SETDB2: variants seen among roughly 807,000 people sequenced by gnomAD.
SETDB2 encodes SET domain bifurcated histone lysine methyltransferase 2.
A neutral mutation model predicts 82.5 loss-of-function variants in SETDB2; 56 were observed. The ratio of observed to expected loss-of-function variants is 0.68; its 90% CI spans 0.55 to 0.85. The LOEUF is 0.85. Ranked by LOEUF, SETDB2 falls within the 40% of genes least tolerant of loss-of-function variation. The pLI is 0.00. For synonymous variants in SETDB2, 272 were observed against 284.9 expected (o/e 0.95, Z 0.46); for missense variants, 677 against 816.4 (o/e 0.83, Z 2.08).
rs117806139 is a variant in SETDB2, at chr13:49,493,667, A to G, written c.*1818A>G. 6.6e-6 allele frequency: 1 copy of G among 152,246 alleles called. No individual in the cohort carries two copies. Among genetic ancestry groups the G allele is most frequent in the Non-Finnish European group, 1.5e-5 (1 of 68,004 alleles). The allele number at this position is 152,246 out of a possible 1,614,324, so 9.4% of individuals were successfully genotyped here. ...TCTCTGTGTGTTTGACAATGTCTTT[A>G]TTTTACCCTTATACCTGATTGCTGT... is the stretch of plus-strand genomic sequence containing the variant. On this transcript the variant is annotated 3_prime_UTR_variant, in exon 14 of 14. Transcript: ENST00000611815.
intron 8 of SETDB2, chr13:49,482,459 A>G (rs1317280621): frequency 5.2e-5 from 20 of 384,772 alleles, no homozygotes; most frequent in Non-Finnish European, 2.5e-5. Context: ...TTTCTCATCC[A>G]TATCTTTTTG....
At position 49,488,356 on chromosome 13, in the gene SETDB2, A is replaced by C. The variant is rs148579863; in HGVS notation, c.1643A>C (p.Asp548Ala). ...DNLLIESDVI[D>A]ITKYREETPP... ...CTGCTGATTGAATCAGATGTGATAG[A>C]TATAACTAAATATAGAGAAGAAACT... The change falls in exon 12 of 14, where the codon GAT becomes GCT. Residue 548 changes from aspartate (D) to alanine (A), a missense_variant. Coordinates refer to ENST00000611815, the MANE Select transcript of SETDB2 (RefSeq NM_001160308.3). 4.3e-6 allele frequency: 7 copies of C among 1,610,808 alleles called. No homozygotes were observed. In the African/African-American group the frequency reaches 5.4e-5, roughly 12 times the overall value.
chr13:49,444,692 G>A lies in SETDB2; in HGVS notation c.-507G>A, dbSNP rs933930506. On this transcript the variant is annotated 5_prime_UTR_variant, in exon 1 of 14. Transcript: ENST00000611815. ...GCAGAAGGGGCCGCGGGCGCACTGA[G>A]TTTCCAACCTCCATTTCAGCCTGTC... The A allele has an allele frequency of 8.1e-6, 1 of 123,516 alleles. No individual in the cohort carries two copies. The highest frequency in any genetic ancestry group is 2.5e-4 in the East Asian group (1 of 3,942). The allele number at this position is 123,516 out of a possible 1,614,324, so 7.7% of individuals were successfully genotyped here.
chr13:49,455,561 G>A (rs1957867263), intron 2 of SETDB2, among the ~76,000 whole-genome samples: 1 of 152,036 alleles, frequency 6.6e-6, no homozygotes, highest in Non-Finnish European at 1.5e-5. Context: ...TTTTAAAAGT[G>A]GTTAACTCTT....
rs76530863 is a variant in SETDB2, at chr13:49,479,499, A to G, written c.870-720A>G. On this transcript the variant is annotated intron_variant, in intron 6 of 13. Transcript: ENST00000611815. ...AGCAGCCACCATTCTGATGTGTATT[A>G]ATTAATACAGAAAATACAGAAGAGA... Among the ~76,000 whole-genome samples the G allele has an allele frequency of 2.8e-4, 43 of 152,298 alleles. No individual in the cohort carries two copies. The East Asian group carries it at 8.1e-3, about 29-fold the overall frequency.
At chr13:49,469,684 A>G (rs2407692) in intron 5 of SETDB2, among the ~76,000 whole-genome samples, 120,041 of 152,104 alleles carry the variant, frequency 0.79, 48,141 homozygotes, top group African/African-American at 0.93. Context: ...GGGCAGTATT[A>G]TTTTATTTTT....
At chr13:49,452,844 A>G (rs554038592) in intron 2 of SETDB2, among the ~76,000 whole-genome samples, 7 of 152,286 alleles carry the variant, frequency 4.6e-5, no homozygotes, top group African/African-American at 1.4e-4. Flanking sequence ...TCTCAGAGGT[A>G]AAATGTCATT....
At chr13:49,451,395 GATAAC>G (rs1354393439) in intron 1 of SETDB2, among the ~76,000 whole-genome samples, 153 bp from the exon 2 acceptor site, 3 of 149,270 alleles carry the variant, frequency 2.0e-5, no homozygotes, top group Admixed American at 2.0e-4. Context: ...ATTTTTTCCA[GATAAC>G]ATAATGTTTT....
intron 5 of SETDB2, among the ~76,000 whole-genome samples, chr13:49,471,663 C>G (rs1958244318): frequency 6.6e-6 from 1 of 151,664 alleles, no homozygotes; most frequent in South Asian, 2.1e-4. Context: ...TAAAAACATG[C>G]ACACACATGT....
At chr13:49,491,152 G>A (rs373406243) in intron 13 of SETDB2, among the ~76,000 whole-genome samples, 1 of 152,084 alleles carries the variant, frequency 6.6e-6, no homozygotes, top group East Asian at 1.9e-4. Context: ...TGGGGTAGGA[G>A]GATCACTTGA....
At chr13:49,484,011 T>C (rs1380818213) in intron 10 of SETDB2, among the ~76,000 whole-genome samples, 1 of 152,162 alleles carries the variant, frequency 6.6e-6, no homozygotes, top group Non-Finnish European at 1.5e-5. Context: ...AGAATTTCTT[T>C]TATTGTTTTG....
At chr13:49,477,161 C>T (rs1401390241) in intron 6 of SETDB2, 122 bp downstream of exon 6, 10 of 904,688 alleles carry the variant, frequency 1.1e-5, no homozygotes, top group South Asian at 2.0e-5. Context: ...TAAGACTGGG[C>T]GTGGTGGCCC....
intron 8 of SETDB2, 149 bp from the exon 9 acceptor site, chr13:49,482,588 C>A: frequency 1.7e-6 from 1 of 595,784 alleles, no homozygotes; most frequent in Non-Finnish European, 2.8e-6. Flanking sequence ...TGGTCTTTGT[C>A]TTGCAACAGT....
rs1377046251 is a variant in SETDB2, at chr13:49,494,182, T to C, written c.*2333T>C. 6.6e-6 allele frequency: 1 copy of C among 152,248 alleles called. No individual in the cohort carries two copies. Among genetic ancestry groups the C allele is most frequent in the East Asian group, 1.9e-4 (1 of 5,204 alleles). 9.4% of individuals were successfully genotyped at this position (152,248 alleles called of 1,614,324 possible). A position where few individuals can be genotyped will look rare whatever the true frequency, so the allele number is the denominator to read the frequency against. On this transcript the variant is annotated 3_prime_UTR_variant, in exon 14 of 14. Coordinates refer to ENST00000611815, the MANE Select transcript of SETDB2 (RefSeq NM_001160308.3). ...TTTTCTAGTCTCATATTGTCTCATA[T>C]TTTTAATTTCTAAGAGCTCCCCTTC...
chr13:49,464,611 A>G (rs909967334), intron 4 of SETDB2, among the ~76,000 whole-genome samples: 24 of 152,202 alleles, frequency 1.6e-4, no homozygotes, highest in Non-Finnish European at 2.4e-4. Flanking sequence ...TTATAATTTC[A>G]TATTTTTATG....
chr13:49,478,642 A>G (rs1050123321), intron 6 of SETDB2, among the ~76,000 whole-genome samples: 5 of 152,160 alleles, frequency 3.3e-5, no homozygotes, highest in African/African-American at 7.2e-5. Flanking sequence ...AACTGTCCCA[A>G]GAGGCTGGGC....
At chr13:49,470,966 C>CTTTCTTTTTTTTTTTTTTTTT (rs10695231) in intron 5 of SETDB2, among the ~76,000 whole-genome samples, 8 of 80,488 alleles carry the variant, frequency 9.9e-5, no homozygotes, top group African/African-American at 3.5e-4. Flanking sequence ...TTCTTTCTTT[C>CTTTCTTTTTTTTTTTTTTTTT]TTTTTTTTTT....
At position 49,476,802 on chromosome 13, in the gene SETDB2, C is replaced by T; in HGVS notation, c.632C>T (p.Ser211Phe). Reference sequence around the variant, plus strand: ...AACTTTTTATTTACAGATAACTTTTCTTTCAATACCTATGTTCAGTTGGCT... The same window carrying T: ...AACTTTTTATTTACAGATAACTTTTTTTTCAATACCTATGTTCAGTTGGCT... ...ECNFLFTDNF[S>F]FNTYVQLARN... Residue 211 changes from serine (S) to phenylalanine (F), a missense_variant, in exon 6 of 14, where the codon TCT becomes TTT. Coordinates refer to ENST00000611815, the MANE Select transcript of SETDB2 (RefSeq NM_001160308.3). 1 of 1,613,410 alleles carries T rather than the reference C, an allele frequency of 6.2e-7. No homozygotes were observed. The highest frequency in any genetic ancestry group is 8.5e-7 in the Non-Finnish European group (1 of 1,179,576).
Position 49,491,908 on chromosome 13 carries a change from A to C in SETDB2, c.*59A>C. On this transcript the variant is annotated 3_prime_UTR_variant, in exon 14 of 14. Transcript: ENST00000611815. ...TATCAGGCTGAAATTAAAGCCATGC[A>C]AAAGAAGGTCTAGGTCCATCAAGGA... 1 of 1,189,148 alleles carries C rather than the reference A, an allele frequency of 8.4e-7. No individual in the cohort carries two copies. Among genetic ancestry groups the C allele is most frequent in the Non-Finnish European group, 1.3e-6 (1 of 795,888 alleles). The allele number at this position is 1,189,148 out of a possible 1,614,324, so 73.7% of individuals were successfully genotyped here.
Sources: allele counts gnomAD v4.1 joint callset (sites outside exome capture counted in the v4.1 genomes callset), GRCh38; gene constraint gnomAD v4.1.1; transcripts MANE v1.5; gene names NCBI Gene and HGNC (gene_info 2026-07-23, HGNC 2026-07-21).